GREB1L: variants seen among roughly 807,000 people sequenced by gnomAD.
GREB1L encodes the protein GREB1 like retinoic acid receptor coactivator.
In GREB1L, 17 loss-of-function variants were observed where a neutral mutation model predicts 200.8. That is an observed-to-expected ratio of 0.08 (90% CI 0.06 to 0.13). The LOEUF is 0.13. Among genes scored for constraint, GREB1L ranks in the 10% least tolerant of loss-of-function variants. GREB1L has a pLI of 1.00. For synonymous variants in GREB1L, 789 were observed against 893.0 expected (o/e 0.88, Z 2.08); for missense variants, 1,657 against 2,367.7 (o/e 0.70, Z 6.23).
chr18:21,405,346 A>G (rs1437773960), intron 7 of GREB1L, among the ~76,000 whole-genome samples: 1 of 152,236 alleles, frequency 6.6e-6, no homozygotes, highest in African/African-American at 2.4e-5. Flanking sequence ...TGATCCCGTG[A>G]TATGTTATGC....
rs1437599633 is a variant in GREB1L at position 21,281,569 on chromosome 18, C to T, written c.-120+39176C>T. On this transcript the variant is annotated intron_variant, in intron 1 of 32. Coordinates refer to ENST00000424526, the MANE Select transcript of GREB1L (RefSeq NM_001142966.3). ...GTAATAGAAGCTAATTGGCTAAAAA[C>T]GTCAGAAAAATATTTTTCAAAATGT... 3.9e-5 allele frequency among the ~76,000 whole-genome samples: 6 copies of T among 152,164 alleles called. No individual in the cohort carries two copies. The East Asian group carries it at 7.7e-4, about 20-fold the overall frequency.
intron 1 of GREB1L, among the ~76,000 whole-genome samples, chr18:21,345,001 C>G (rs965408475): frequency 2.6e-5 from 4 of 152,144 alleles, no homozygotes; most frequent in African/African-American, 7.2e-5. Context: ...CTATTCCACT[C>G]TCTTCAAGCC....
intron 1 of GREB1L, among the ~76,000 whole-genome samples, chr18:21,357,599 T>C (rs560263074): frequency 4.1e-4 from 63 of 152,328 alleles, no homozygotes; most frequent in African/African-American, 1.5e-3. Context: ...CGTCTAGTAG[T>C]TTTATAGCTT....
At position 21,452,217 on chromosome 18, in the gene GREB1L, G is replaced by A; in HGVS notation, c.1984G>A (p.Asp662Asn). The A allele has an allele frequency of 6.4e-7, 1 of 1,551,064 alleles. No homozygotes were observed. Among genetic ancestry groups the A allele is most frequent in the Non-Finnish European group, 8.7e-7 (1 of 1,146,774 alleles). The change falls in exon 14 of 33, where the codon GAT becomes AAT. Residue 662 changes from aspartate to asparagine, a missense_variant and splice_region_variant. By Grantham distance (23) the Asp-to-Asn change is conservative. This residue lies in a region of GREB1L where 239 missense variants were observed against 421.8 expected (regional missense o/e 0.57). Coordinates refer to ENST00000424526, the MANE Select transcript of GREB1L (RefSeq NM_001142966.3). ...TGCTATGATTCCCACACAAAACCTGGGTAATGTCATCTCAGACCAAGAGGA... is the reference window on the plus strand; with the variant it reads ...TGCTATGATTCCCACACAAAACCTGAGTAATGTCATCTCAGACCAAGAGGA... Reference protein sequence around the residue: ...AAAMIPTQNLDLDNETFHIYQ... With the variant: ...AAAMIPTQNLNLDNETFHIYQ...
At chr18:21,422,623 A>T (rs969499072) in intron 7 of GREB1L, among the ~76,000 whole-genome samples, 39 of 152,140 alleles carry the variant, frequency 2.6e-4, no homozygotes, top group African/African-American at 9.4e-4. Flanking sequence ...TCAATAGAGA[A>T]CTTCCTCATT....
rs548386340 is a variant in GREB1L at position 21,481,410 on chromosome 18, T to G, written c.2556+4054T>G. Among the ~76,000 whole-genome samples, 183 of 150,794 alleles carry G rather than the reference T, an allele frequency of 1.2e-3. 1 individual carries two copies. Among genetic ancestry groups the G allele is most frequent in the East Asian group, 9.8e-3 (50 of 5,118 alleles). On this transcript the variant is annotated intron_variant, in intron 17 of 32. Transcript: ENST00000424526. The stretch of plus-strand genomic sequence containing the variant: ...AAGTTTATACTTATTATACAGGCAT[T>G]AAGGATTTTTGAGCAACAGTATATA...
chr18:21,416,789 G>A (rs1354770843), intron 7 of GREB1L, among the ~76,000 whole-genome samples: 1 of 152,024 alleles, frequency 6.6e-6, no homozygotes, highest in Admixed American at 6.6e-5. Context: ...ACTTTGGGAG[G>A]CCGAGATGGG....
chr18:21,348,424 A>G (rs1456907987), intron 1 of GREB1L, among the ~76,000 whole-genome samples: 5 of 152,030 alleles, frequency 3.3e-5, no homozygotes, highest in Non-Finnish European at 5.9e-5. Flanking sequence ...GAATCACTTG[A>G]TCCCAGGAGT....
At chr18:21,495,912 G>T in intron 20 of GREB1L, 127 bp downstream of exon 20, 3 of 562,132 alleles carry the variant, frequency 5.3e-6, no homozygotes, top group Non-Finnish European at 9.3e-6. Flanking sequence ...TTTAATGCAG[G>T]GATACAAGAA....
chr18:21,463,672 G>T (rs1343704101), intron 15 of GREB1L, among the ~76,000 whole-genome samples: 5 of 152,002 alleles, frequency 3.3e-5, no homozygotes, highest in Non-Finnish European at 5.9e-5. Context: ...CGAACTCCCA[G>T]GCTCAAGTAA....
At chr18:21,514,100 C>G in intron 28 of GREB1L, 114 bp downstream of exon 28, 1 of 1,050,720 alleles carries the variant, frequency 9.5e-7, no homozygotes, top group Non-Finnish European at 1.4e-6. Context: ...CAGAGCAAAA[C>G]AGTCAACCAT....
chr18:21,505,921 A>G lies in GREB1L; in HGVS notation c.4340A>G (p.Gln1447Arg). ...NTFHHCEQCRQYMDFTSASQM... is the reference protein window; with the variant it reads ...NTFHHCEQCRRYMDFTSASQM... ...TTTCACCACTGTGAACAGTGCCGCC[A>G]GTACATGGACTTCACCTCTGCCTCC... The change falls in exon 25 of 33, where the codon CAG (glutamine) becomes CGG (arginine). Residue 1447 changes from glutamine to arginine, a missense_variant. This residue lies in a region of GREB1L where 512 missense variants were observed against 668.3 expected (regional missense o/e 0.77). Transcript: ENST00000424526. 1.3e-6 allele frequency: 2 copies of G among 1,552,226 alleles called. No homozygotes were observed.
intron 1 of GREB1L, among the ~76,000 whole-genome samples, chr18:21,245,998 A>G (rs369852379): frequency 5.4e-4 from 83 of 152,328 alleles, no homozygotes; most frequent in African/African-American, 1.9e-3. Flanking sequence ...CTGGGATTAC[A>G]GGCGTGAGCC....
Position 21,401,341 on chromosome 18 carries a change from G to C in GREB1L, c.709+15G>C, listed in dbSNP as rs1598763877. 4 of 1,540,642 alleles carry C rather than the reference G, an allele frequency of 2.6e-6. No individual in the cohort carries two copies. In the East Asian group the frequency reaches 9.8e-5, roughly 38 times the overall value. Reference sequence around the variant, plus strand: ...CTGCTGGAAAGGTAGTCAATTTCCAGGAAGAAAAGGGGAGGGAATGGAGAT... The same window carrying C: ...CTGCTGGAAAGGTAGTCAATTTCCACGAAGAAAAGGGGAGGGAATGGAGAT... On this transcript the variant is annotated intron_variant, in intron 6 of 32. Coordinates refer to ENST00000424526, the MANE Select transcript of GREB1L (RefSeq NM_001142966.3).
chr18:21,382,034 A>T (rs529910024), intron 2 of GREB1L, among the ~76,000 whole-genome samples: 27 of 152,282 alleles, frequency 1.8e-4, no homozygotes, highest in African/African-American at 6.3e-4. Context: ...ACAAAAAAAA[A>T]TTTTGTTTAA....
intron 1 of GREB1L, among the ~76,000 whole-genome samples, chr18:21,348,648 G>T (rs2039388784): frequency 6.6e-6 from 1 of 152,074 alleles, no homozygotes; most frequent in Non-Finnish European, 1.5e-5. Flanking sequence ...AGTGGCAGGT[G>T]ACTGTAATCC....
chr18:21,327,093 AG>A (rs1390104473), intron 1 of GREB1L, among the ~76,000 whole-genome samples: 1 of 152,266 alleles, frequency 6.6e-6, no homozygotes, highest in Non-Finnish European at 1.5e-5. Flanking sequence ...TCGGAAAAGA[AG>A]TAAAAGGATA....
chr18:21,308,410 A>G (rs1299148854), intron 1 of GREB1L, among the ~76,000 whole-genome samples: 1 of 152,254 alleles, frequency 6.6e-6, no homozygotes, highest in Admixed American at 6.5e-5. Flanking sequence ...TGTAATTCAC[A>G]GTCCTGGACC....
chr18:21,372,716 A>G (rs528452574), intron 2 of GREB1L, among the ~76,000 whole-genome samples: 274 of 152,028 alleles, frequency 1.8e-3, no homozygotes, highest in African/African-American at 6.5e-3. Flanking sequence ...GAGGTCAGGA[A>G]TTCAAGATCA....
Sources: gnomAD v4.1 joint callset for allele counts (sites outside exome capture counted in the v4.1 genomes callset) on GRCh38, gnomAD v4.1.1 for gene constraint, gnomAD v4.1.1 regional missense constraint, MANE v1.5 for transcripts, NCBI Gene and HGNC (gene_info 2026-07-23, HGNC 2026-07-21) for gene names.